GASK1B: variants seen among roughly 807,000 people sequenced by gnomAD.
GASK1B encodes Golgi-associated kinase 1B.
A neutral mutation model predicts 42.8 loss-of-function variants in GASK1B; 34 were observed. The ratio of observed to expected loss-of-function variants is 0.79; its 90% CI spans 0.60 to 1.06. GASK1B has a LOEUF of 1.06. Ranked by LOEUF, GASK1B falls within the 50% of genes least tolerant of loss-of-function variation. The pLI is 0.00. For missense variants in GASK1B, 686 were observed against 661.0 expected (o/e 1.04, Z -0.42); for synonymous variants, 262 against 259.1 (o/e 1.01, Z -0.11).
At position 158,124,868 on chromosome 4, in the gene GASK1B, T is replaced by C. The variant is rs1404165000; in HGVS notation, c.*2539A>G. On this transcript the variant is annotated 3_prime_UTR_variant, in exon 5 of 5. Coordinates refer to ENST00000585682, the MANE Select transcript of GASK1B (RefSeq NM_001128424.2). ...AAGCACATATCTTTAATTTCTAATG[T>C]TTTATTATAGATTTTTAAGATACAT... 6.6e-6 allele frequency: 1 copy of C among 152,148 alleles called. No individual in the cohort carries two copies. Among genetic ancestry groups the C allele is most frequent in the Non-Finnish European group, 1.5e-5 (1 of 68,006 alleles). The allele number at this position is 152,148 out of a possible 1,614,324, so 9.4% of individuals were successfully genotyped here.
chr4:158,170,090 A>G (rs967046474), intron 2 of GASK1B: 2 of 727,156 alleles, frequency 2.8e-6, no homozygotes, highest in African/African-American at 1.8e-5. Flanking sequence ...ATAGTAACCT[A>G]TTTAATAGTA....
At chr4:158,160,217 C>A (rs1053322252) in intron 2 of GASK1B, among the ~76,000 whole-genome samples, 2 of 152,096 alleles carry the variant, frequency 1.3e-5, no homozygotes, top group African/African-American at 4.8e-5. Context: ...TCACAACTGT[C>A]AACAACGCAT....
intron 3 of GASK1B, among the ~76,000 whole-genome samples, chr4:158,133,926 C>G (rs561933770): frequency 1.3e-5 from 2 of 152,046 alleles, no homozygotes; most frequent in African/African-American, 2.4e-5. Context: ...TGCGCGTGCA[C>G]GAACACTGTG....
At chr4:158,128,663 G>C (rs1461788364) in intron 4 of GASK1B, among the ~76,000 whole-genome samples, 4 of 152,094 alleles carry the variant, frequency 2.6e-5, no homozygotes, top group South Asian at 4.1e-4. Context: ...AATTTCAATG[G>C]AGCACAATGG....
intron 4 of GASK1B, among the ~76,000 whole-genome samples, chr4:158,128,490 T>C (rs1730547341): frequency 1.3e-5 from 2 of 152,256 alleles, no homozygotes; most frequent in African/African-American, 4.8e-5. Flanking sequence ...TTGACATTTC[T>C]CAACTTTCAC....
chr4:158,145,513 AC>A (rs1251337101), intron 3 of GASK1B, among the ~76,000 whole-genome samples: 3 of 152,056 alleles, frequency 2.0e-5, no homozygotes, highest in African/African-American at 2.4e-5. Context: ...CATACCCTCA[AC>A]CCTTTGCTAA....
rs764308392 is a variant in GASK1B, at chr4:158,170,643, G to A, written c.733C>T (p.Arg245Cys). The A allele has an allele frequency of 1.1e-5, 17 of 1,613,784 alleles. No homozygotes were observed. Among genetic ancestry groups the A allele is most frequent in the African/African-American group, 9.3e-5 (7 of 74,942 alleles). Reference sequence around the variant, plus strand: ...GCGCCCCCCTCCAGCACCAGCAAACGGGCTCCGCTCCTAGAGGACACAGGC... The same window carrying A: ...GCGCCCCCCTCCAGCACCAGCAAACAGGCTCCGCTCCTAGAGGACACAGGC... ...LRPVSSRSGA[R>C]LLVLEGGAPG... The change falls in exon 2 of 5, where the codon CGT becomes TGT. Residue 245 changes from arginine to cysteine, a missense_variant. Arg to Cys is a radical substitution (Grantham distance 180). Transcript: ENST00000585682.
chr4:158,142,466 T>C lies in GASK1B; in HGVS notation c.1126-11454A>G, dbSNP rs191294924. 3.9e-3 allele frequency among the ~76,000 whole-genome samples: 597 copies of C among 152,314 alleles called. 4 individuals carry two copies. Among genetic ancestry groups the C allele is most frequent in the African/African-American group, 0.014 (572 of 41,564 alleles). On this transcript the variant is annotated intron_variant, in intron 3 of 4. Transcript: ENST00000585682. Reference sequence around the variant, plus strand: ...ATTGGAAAGTCAGCAAATTAGGTCATTGGATTTATTAAAAGCAATGCTATT... The same window carrying C: ...ATTGGAAAGTCAGCAAATTAGGTCACTGGATTTATTAAAAGCAATGCTATT...
intron 4 of GASK1B, among the ~76,000 whole-genome samples, chr4:158,130,500 A>G (rs2110925654): frequency 6.6e-6 from 1 of 152,230 alleles, no homozygotes; most frequent in East Asian, 1.9e-4. Flanking sequence ...CATTCTTCCA[A>G]CAAAACCCAC....
At chr4:158,154,787 A>G (rs1579036487) in intron 3 of GASK1B, among the ~76,000 whole-genome samples, 1 of 152,186 alleles carries the variant, frequency 6.6e-6, no homozygotes, top group South Asian at 2.1e-4. Flanking sequence ...GTTCTCACTC[A>G]TAAGTGGAAG....
intron 3 of GASK1B, among the ~76,000 whole-genome samples, chr4:158,150,570 C>G (rs892795561): frequency 2.6e-5 from 4 of 152,166 alleles, no homozygotes; most frequent in Non-Finnish European, 4.4e-5. Context: ...TGTCTATCAA[C>G]CTGTGGCAGA....
Position 158,171,176 on chromosome 4 carries a change from T to G in GASK1B, c.200A>C (p.Glu67Ala), listed in dbSNP as rs377502875. 3 of 1,612,020 alleles carry G rather than the reference T, an allele frequency of 1.9e-6. No homozygotes were observed. The highest frequency in any genetic ancestry group is 2.5e-6 in the Non-Finnish European group (3 of 1,178,740). ...GTCGCGGCTGCGATGTGGCCCCTTC[T>G]CAGCCGCCTGTCCATGCTGGAGAGA... ...RASLQHGQAA[E>A]KGPHRSRDTA... The change falls in exon 2 of 5, where the codon GAG becomes GCG. Residue 67 changes from glutamate (E) to alanine (A), a missense_variant. Physicochemically the swap from Glu to Ala is moderately radical, Grantham distance 107 (BLOSUM62 -1). Coordinates refer to ENST00000585682, the MANE Select transcript of GASK1B (RefSeq NM_001128424.2).
intron 2 of GASK1B, chr4:158,170,176 T>C: frequency 6.5e-7 from 1 of 1,539,924 alleles, no homozygotes; most frequent in Non-Finnish European, 8.8e-7. Context: ...TTGGCTTTAA[T>C]TAGATTTAAT....
At chr4:158,166,968 G>A (rs1310039697) in intron 2 of GASK1B, among the ~76,000 whole-genome samples, 1 of 152,104 alleles carries the variant, frequency 6.6e-6, no homozygotes, top group East Asian at 1.9e-4. Context: ...ATGACCTTGA[G>A]CAGTCTTCTT....
chr4:158,149,008 T>TC (rs1223434553), intron 3 of GASK1B, among the ~76,000 whole-genome samples: 3 of 152,174 alleles, frequency 2.0e-5, no homozygotes, highest in Non-Finnish European at 4.4e-5. Flanking sequence ...GCATTACTAC[T>TC]CCCCTCAAAG....
intron 3 of GASK1B, among the ~76,000 whole-genome samples, chr4:158,138,793 T>A (rs1223847771): frequency 2.0e-5 from 3 of 152,124 alleles, no homozygotes; most frequent in African/African-American, 7.2e-5. Flanking sequence ...TTTACAAAAA[T>A]CAGTTCTCTT....
At chr4:158,170,031 G>A in intron 2 of GASK1B, 1 of 590,408 alleles carries the variant, frequency 1.7e-6, no homozygotes, top group South Asian at 2.2e-5. Context: ...ATCTGCTCAA[G>A]AACGATAACC....
At chr4:158,128,771 G>A (rs557785925) in intron 4 of GASK1B, among the ~76,000 whole-genome samples, 29 of 152,336 alleles carry the variant, frequency 1.9e-4, no homozygotes, top group African/African-American at 6.7e-4. Context: ...CTTGCTTAAT[G>A]TGTGTGAGGA....
intron 3 of GASK1B, among the ~76,000 whole-genome samples, chr4:158,148,165 G>C (rs1167673235): frequency 3.9e-5 from 6 of 152,128 alleles, no homozygotes; most frequent in African/African-American, 1.4e-4. Context: ...AGTGAGTTAT[G>C]ATCACACCAC....
Sources: allele counts gnomAD v4.1 joint callset (sites outside exome capture counted in the v4.1 genomes callset), GRCh38; gene constraint gnomAD v4.1.1; transcripts MANE v1.5; gene names NCBI Gene and HGNC (gene_info 2026-07-23, HGNC 2026-07-21).